Variants in DNAH12 observed in about 807,000 individuals in gnomAD.
DNAH12 encodes dynein axonemal heavy chain 12, also known as axonemal beta dynein heavy chain 12.
A neutral mutation model predicts 371.5 loss-of-function variants in DNAH12; 285 were observed. That is an observed-to-expected ratio of 0.77 (90% CI 0.70 to 0.85). The LOEUF is 0.85. Among genes scored for constraint, DNAH12 ranks in the 40% least tolerant of loss-of-function variants. The pLI, the probability that DNAH12 is intolerant of heterozygous loss-of-function variation, is 0.00. For synonymous variants in DNAH12, 1,200 were observed against 1,213.0 expected (o/e 0.99, Z 0.22); for missense variants, 3,611 against 3,689.4 (o/e 0.98, Z 0.55).
Position 57,334,766 on chromosome 3 carries a change from G to A in DNAH12, c.9833+16C>T, listed in dbSNP as rs143737101. 8.3e-4 allele frequency: 1,273 copies of A among 1,532,126 alleles called. 6 individuals carry two copies. The highest frequency in any genetic ancestry group is 6.5e-3 in the Middle Eastern group (38 of 5,872). The allele number at this position is 1,532,126 out of a possible 1,614,324, so 94.9% of individuals were successfully genotyped here. The stretch of plus-strand genomic sequence containing the variant: ...TATTGCCATTCAATGATAAATCATC[G>A]AATTTAAACAATCACCTGAGTCCTC... On this transcript the variant is annotated intron_variant, in intron 61 of 73. Coordinates refer to ENST00000495027, the MANE Select transcript of DNAH12 (RefSeq NM_001366028.2).
chr3:57,440,851 G>A (rs2153368802), intron 29 of DNAH12, among the ~76,000 whole-genome samples: 1 of 152,232 alleles, frequency 6.6e-6, no homozygotes, highest in Non-Finnish European at 1.5e-5. Context: ...TTAGCCAGGT[G>A]TGGTGGTACA....
In DNAH12 at chr3:57,314,381, T is replaced by A; in HGVS notation, c.10662+113A>T. The A allele has an allele frequency of 3.0e-6, 4 of 1,315,844 alleles. No individual in the cohort carries two copies. In the South Asian group the frequency reaches 5.5e-5, roughly 18 times the overall value. 81.5% of individuals were successfully genotyped at this position (1,315,844 alleles called of 1,614,324 possible). A position where few individuals can be genotyped will look rare whatever the true frequency, so the allele number is the denominator to read the frequency against. On this transcript the variant is annotated intron_variant, in intron 66 of 73. Transcript: ENST00000495027. ...GCTTCATAAGCCATAGTTATTACCA[T>A]CTACCCACCTGTTAGTGTTGGGAGA...
intron 2 of DNAH12, among the ~76,000 whole-genome samples, chr3:57,527,963 T>C (rs937128908): frequency 9.9e-5 from 15 of 152,192 alleles, no homozygotes; most frequent in Non-Finnish European, 1.6e-4. Flanking sequence ...ACTCCAATAT[T>C]CTGGAGAGTT....
chr3:57,331,057 T>G (rs1283832256), intron 62 of DNAH12, among the ~76,000 whole-genome samples: 1 of 152,180 alleles, frequency 6.6e-6, no homozygotes, highest in Non-Finnish European at 1.5e-5. Flanking sequence ...CTACCATCTG[T>G]CAGACATTGC....
chr3:57,472,696 T>C (rs751732041), intron 13 of DNAH12, 25 bp from the exon 14 acceptor site: 61 of 1,539,700 alleles, frequency 4.0e-5, no homozygotes, highest in Non-Finnish European at 5.1e-5. Context: ...CTGGATATAA[T>C]ATGTCATATA....
chr3:57,322,352 T>C lies in DNAH12; in HGVS notation c.10515A>G (p.Gly3505=), dbSNP rs1336116981. The part of the protein sequence containing the change: ...SDPEFFKGCR[G]KELAWEKLLF... ...AAAAGATGAATATTACCAGTTCCTT[T>C]CCACGGCATCCCTTGAAAAACTCAG... Residue 3505 remains glycine, a synonymous_variant, in exon 65 of 74, where the codon GGA becomes GGG. Coordinates refer to ENST00000495027, the MANE Select transcript of DNAH12 (RefSeq NM_001366028.2). The C allele has an allele frequency of 6.4e-7, 1 of 1,550,994 alleles. No individual in the cohort carries two copies. Among genetic ancestry groups the C allele is most frequent in the Non-Finnish European group, 8.7e-7 (1 of 1,146,706 alleles).
At position 57,489,644 on chromosome 3, in the gene DNAH12, A is replaced by G. The variant is rs758288082; in HGVS notation, c.1379T>C (p.Leu460Ser). Reference sequence around the variant, plus strand: ...CATAGTGTAATGAATCCACTGAGGCAAAAGCATTATTTCTGAGGCAAGACT... The same window carrying G: ...CATAGTGTAATGAATCCACTGAGGCGAAAGCATTATTTCTGAGGCAAGACT... ...FLSLASEIML[L>S]PQWIHYTMVR... The change falls in exon 12 of 74, where the codon TTG becomes TCG. Residue 460 changes from leucine to serine, a missense_variant. Around this residue, in one of 3 missense-constraint regions of DNAH12, gnomAD observed 1,314 missense variants for 1,398.7 expected, o/e 0.94. Coordinates refer to ENST00000495027, the MANE Select transcript of DNAH12 (RefSeq NM_001366028.2). 1.1e-4 allele frequency: 173 copies of G among 1,531,328 alleles called. No individual in the cohort carries two copies. The highest frequency in any genetic ancestry group is 1.5e-4 in the Non-Finnish European group (169 of 1,141,472). The allele number at this position is 1,531,328 out of a possible 1,614,324, so 94.9% of individuals were successfully genotyped here.
chr3:57,386,164 T>TA (rs1191626047), intron 47 of DNAH12, among the ~76,000 whole-genome samples: 3 of 152,152 alleles, frequency 2.0e-5, no homozygotes, highest in Admixed American at 6.5e-5. Context: ...TCTTAAATGG[T>TA]AAAAAATTAA....
At chr3:57,335,747 A>C (rs1409986728) in intron 60 of DNAH12, among the ~76,000 whole-genome samples, 1 of 152,256 alleles carries the variant, frequency 6.6e-6, no homozygotes, top group African/African-American at 2.4e-5. Flanking sequence ...ACATGACTGT[A>C]CTAAGAGATG....
intron 13 of DNAH12, among the ~76,000 whole-genome samples, chr3:57,474,313 T>G (rs1343729875): frequency 1.3e-5 from 2 of 152,226 alleles, no homozygotes; most frequent in Non-Finnish European, 2.9e-5. Context: ...AATTTTTTTT[T>G]GAGACAGAGT....
chr3:57,433,773 C>T lies in DNAH12; in HGVS notation c.4711G>A (p.Ala1571Thr), dbSNP rs1442226338. ...AAKTKVLHVL[A>T]DTLTLMNEHG... Reference sequence around the variant, plus strand: ...TCATTCATTAAAGTTAGCGTATCCGCCAGCACATGCAGAACTTTTGTCTTA... The same window carrying T: ...TCATTCATTAAAGTTAGCGTATCCGTCAGCACATGCAGAACTTTTGTCTTA... Residue 1571 changes from alanine to threonine, a missense_variant, in exon 31 of 74, where the codon GCG becomes ACG. Transcript: ENST00000495027. 12 of 1,550,388 alleles carry T rather than the reference C, an allele frequency of 7.7e-6. No individual in the cohort carries two copies. The African/African-American group carries it at 1.4e-4, about 18-fold the overall frequency.
chr3:57,476,295 G>C (rs1162967940), intron 13 of DNAH12, among the ~76,000 whole-genome samples: 1 of 152,194 alleles, frequency 6.6e-6, no homozygotes, highest in Non-Finnish European at 1.5e-5. Context: ...GCCAGGCGCA[G>C]TGGCTCATGC....
At chr3:57,439,044 T>C (rs1409640975) in intron 29 of DNAH12, among the ~76,000 whole-genome samples, 1 of 151,514 alleles carries the variant, frequency 6.6e-6, no homozygotes, top group African/African-American at 2.4e-5. Context: ...AAAACACTGC[T>C]GAAAGAAATC....
intron 68 of DNAH12, 26 bp downstream of exon 68, chr3:57,309,640 G>A: frequency 1.4e-6 from 2 of 1,432,214 alleles, no homozygotes; most frequent in African/African-American, 1.4e-5. Flanking sequence ...TATATTATAA[G>A]TAACATATTT....
intron 73 of DNAH12, 109 bp from the exon 74 acceptor site, chr3:57,294,080 A>G: frequency 1.1e-5 from 10 of 913,876 alleles, no homozygotes; most frequent in Non-Finnish European, 1.5e-5. Context: ...ATCTAAGATC[A>G]TAATTGTGAT....
At chr3:57,300,533 C>T (rs924570203) in intron 70 of DNAH12, among the ~76,000 whole-genome samples, 3 of 152,146 alleles carry the variant, frequency 2.0e-5, no homozygotes, top group Admixed American at 6.6e-5. Context: ...AGTACACACA[C>T]ACACCCACAC....
intron 62 of DNAH12, among the ~76,000 whole-genome samples, chr3:57,324,788 G>C (rs541188451): frequency 6.6e-6 from 1 of 152,366 alleles, no homozygotes; most frequent in Admixed American, 6.5e-5. Context: ...CTCGGGAAGC[G>C]CAAGGGGTCA....
chr3:57,523,540 C>A (rs745401114), intron 4 of DNAH12, 43 bp downstream of exon 4: 51 of 1,522,368 alleles, frequency 3.4e-5, no homozygotes, highest in South Asian at 1.1e-4. Flanking sequence ...GCAATAATTT[C>A]TTTGAACATT....
intron 59 of DNAH12, among the ~76,000 whole-genome samples, chr3:57,352,467 G>A (rs2062701359): frequency 6.6e-6 from 1 of 152,076 alleles, no homozygotes; most frequent in Non-Finnish European, 1.5e-5. Flanking sequence ...TGAAGGGTAC[G>A]TGAAACCTCT....
Sources: gnomAD v4.1 joint callset for allele counts (sites outside exome capture counted in the v4.1 genomes callset) on GRCh38, gnomAD v4.1.1 for gene constraint, gnomAD v4.1.1 regional missense constraint, MANE v1.5 for transcripts, NCBI Gene and HGNC (gene_info 2026-07-23, HGNC 2026-07-21) for gene names.